ZDHHC15: variants seen among roughly 807,000 people sequenced by gnomAD.
ZDHHC15 encodes the protein zDHHC palmitoyltransferase 15.
A neutral mutation model predicts 31.7 loss-of-function variants in ZDHHC15; 19 were observed. The ratio of observed to expected loss-of-function variants is 0.60; its 90% confidence interval spans 0.42 to 0.88. The LOEUF (loss-of-function observed/expected upper bound fraction) is 0.88. Among genes scored for constraint, ZDHHC15 ranks in the 40% least tolerant of loss-of-function variants. The probability of loss-of-function intolerance (pLI) is 0.00; values close to 1 mark genes in which losing one functional copy is unlikely to be tolerated. For synonymous variants in ZDHHC15, 103 were observed against 90.0 expected, an observed-to-expected ratio of 1.14 and a Z score of -0.82; for missense variants, 209 against 251.2, an observed-to-expected ratio of 0.83 and a Z score of 1.14.
At chrX:75,444,286 C>G (rs1210173908) in intron 4 of ZDHHC15, among the ~76,000 whole-genome samples, 1 of 109,022 alleles carries the variant, frequency 9.2e-6, no homozygotes. Flanking sequence ...TACTATGCAG[C>G]CATAAAAAAG....
intron 2 of ZDHHC15, among the ~76,000 whole-genome samples, chrX:75,489,685 T>C (rs768667317): frequency 1.8e-5 from 2 of 111,896 alleles, no homozygotes; most frequent in Non-Finnish European, 3.8e-5. Context: ...TCAGAGGACC[T>C]CTCCTCCTCC....
At chrX:75,489,006 A>C (rs1352301797) in intron 2 of ZDHHC15, among the ~76,000 whole-genome samples, 42 of 111,888 alleles carry the variant, frequency 3.8e-4, no homozygotes, top group African/African-American at 1.4e-3. Flanking sequence ...CATTGCTAGC[A>C]CAGCAGTCTG....
intron 11 of ZDHHC15, among the ~76,000 whole-genome samples, chrX:75,378,143 T>A (rs1040966355): frequency 9.0e-6 from 1 of 111,678 alleles, no homozygotes; most frequent in African/African-American, 3.3e-5. Context: ...TGTAGTGCCA[T>A]GGTGGAAATA....
At chrX:75,394,865 G>A (rs1448599547) in intron 10 of ZDHHC15, among the ~76,000 whole-genome samples, 1 of 111,892 alleles carries the variant, frequency 8.9e-6, no homozygotes, top group African/African-American at 3.2e-5. Context: ...CACAGATGAA[G>A]TGAACCTAAA....
intron 4 of ZDHHC15, among the ~76,000 whole-genome samples, chrX:75,449,024 T>C (rs1201806980): frequency 9.1e-6 from 1 of 110,434 alleles, no homozygotes; most frequent in Non-Finnish European, 1.9e-5. Context: ...GAGACATCAG[T>C]TTTCTGCCAT....
chrX:75,428,542 C>G (rs752159861), intron 7 of ZDHHC15, among the ~76,000 whole-genome samples: 1 of 110,917 alleles, frequency 9.0e-6, no homozygotes, highest in South Asian at 3.8e-4. Context: ...TAATTGCTAA[C>G]CCAGTGTTTG....
chrX:75,431,747 G>C (rs186885613), intron 4 of ZDHHC15, among the ~76,000 whole-genome samples: 1 of 111,067 alleles, frequency 9.0e-6, no homozygotes, highest in Admixed American at 9.6e-5. Flanking sequence ...AACGAGAAAA[G>C]TTTCTTATCT....
At position 75,478,985 on chromosome X, in the gene ZDHHC15, A is replaced by G; in HGVS notation, c.164T>C (p.Val55Ala). 1 of 1,151,378 alleles carries G rather than the reference A, an allele frequency of 8.7e-7. No homozygotes were observed. The highest frequency in any genetic ancestry group is 3.0e-5 in the East Asian group (1 of 33,213). 94.9% of individuals were successfully genotyped at this position (1,151,378 alleles called of 1,213,427 possible). A position where few individuals can be genotyped will look rare whatever the true frequency, so the allele number is the denominator to read the frequency against. ...GGCATGGTAGAGTATGAGGTAAATA[A>G]CTGAAATAAAAAAAAAATCAGTGTT... ...LVTVLSPAEK[V>A]IYLILYHAIF... Residue 55 changes from valine (V) to alanine (A), a missense_variant and splice_region_variant, in exon 3 of 12, where the codon GTT (valine) becomes GCT (alanine). Val to Ala is a moderately conservative substitution (Grantham distance 64). Transcript: ENST00000373367.
intron 3 of ZDHHC15, among the ~76,000 whole-genome samples, chrX:75,465,549 T>C (rs1277130895): frequency 8.9e-6 from 1 of 111,849 alleles, no homozygotes; most frequent in African/African-American, 3.3e-5. Flanking sequence ...CTTCAAGCTA[T>C]ACTACAAGGC....
intron 10 of ZDHHC15, among the ~76,000 whole-genome samples, chrX:75,383,904 A>AG (rs2083150629): frequency 1.1e-5 from 1 of 95,085 alleles, no homozygotes; most frequent in Non-Finnish European, 2.1e-5. Context: ...ACACCCAGCT[A>AG]ATTTTTTTTT....
At chrX:75,517,328 G>C (rs2085373234) in intron 1 of ZDHHC15, among the ~76,000 whole-genome samples, 1 of 110,665 alleles carries the variant, frequency 9.0e-6, no homozygotes, top group African/African-American at 3.3e-5. Flanking sequence ...CAAAGACTTG[G>C]AACCAACCCA....
chrX:75,519,059 G>C lies in ZDHHC15; in HGVS notation c.136+3830C>G, dbSNP rs2085409298. Among the ~76,000 whole-genome samples the C allele has an allele frequency of 3.7e-5, 4 of 108,700 alleles. No homozygotes were observed. The South Asian group carries it at 1.6e-3, about 44-fold the overall frequency. The allele number at this position is 108,700 out of a possible 115,157, so 94.4% of individuals were successfully genotyped here. On this transcript the variant is annotated intron_variant, in intron 1 of 11. Coordinates refer to ENST00000373367, the MANE Select transcript of ZDHHC15 (RefSeq NM_144969.3). ...CTAGGACTTGGGGGAAGAGGGAACA[G>C]GGAGTGACTGCTTAATGCTTATGAG...
intron 10 of ZDHHC15, among the ~76,000 whole-genome samples, chrX:75,389,999 C>T (rs9887338): frequency 0.6 from 65,396 of 109,323 alleles, 17,083 homozygotes; most frequent in Middle Eastern, 0.82. Context: ...AAGGGTGAGT[C>T]CCAGATCGGA....
intron 10 of ZDHHC15, among the ~76,000 whole-genome samples, chrX:75,409,248 T>G (rs1277493871): frequency 9.0e-6 from 1 of 111,094 alleles, no homozygotes; most frequent in Non-Finnish European, 1.9e-5. Flanking sequence ...TCCCAGCATT[T>G]TGGGAGACTC....
intron 10 of ZDHHC15, among the ~76,000 whole-genome samples, chrX:75,403,882 A>C (rs975399077): frequency 2.7e-5 from 3 of 111,991 alleles, no homozygotes; most frequent in African/African-American, 9.7e-5. Flanking sequence ...AATGTTTTAA[A>C]ATTCTCATGG....
intron 4 of ZDHHC15, among the ~76,000 whole-genome samples, chrX:75,438,301 T>C (rs2083891265): frequency 8.9e-6 from 1 of 111,953 alleles, no homozygotes; most frequent in Non-Finnish European, 1.9e-5. Context: ...ATCTATTTCA[T>C]TTCTCAAGTC....
At chrX:75,517,919 C>T (rs948219862) in intron 1 of ZDHHC15, among the ~76,000 whole-genome samples, 1 of 108,802 alleles carries the variant, frequency 9.2e-6, no homozygotes, top group African/African-American at 3.3e-5. Flanking sequence ...TCACTTGAGC[C>T]CAGGAGTTTG....
At chrX:75,482,583 T>A (rs1423075473) in intron 2 of ZDHHC15, among the ~76,000 whole-genome samples, 2 of 111,695 alleles carry the variant, frequency 1.8e-5, no homozygotes, top group Non-Finnish European at 3.8e-5. Flanking sequence ...ATTATCAGTC[T>A]ATACCAATTC....
At chrX:75,518,769 GTATA>G (rs1162307795) in intron 1 of ZDHHC15, among the ~76,000 whole-genome samples, 28 of 32,577 alleles carry the variant, frequency 8.6e-4, no homozygotes, top group South Asian at 5.8e-3. Context: ...TAACAAACTG[GTATA>G]TATATATATA....
Sources: allele counts gnomAD v4.1 joint callset (sites outside exome capture counted in the v4.1 genomes callset), GRCh38; gene constraint gnomAD v4.1.1; transcripts MANE v1.5; gene names NCBI Gene and HGNC (gene_info 2026-07-23, HGNC 2026-07-21).